Variants in ARHGEF10L observed in about 807,000 individuals in gnomAD.
ARHGEF10L encodes the protein Rho guanine nucleotide exchange factor 10 like.
ARHGEF10L carries 69 observed loss-of-function variants against 141.2 expected under a neutral mutation model. The ratio of observed to expected loss-of-function variants is 0.49; its 90% confidence interval spans 0.40 to 0.60. ARHGEF10L has a LOEUF of 0.60. Ranked by LOEUF, ARHGEF10L falls within the 20% of genes least tolerant of loss-of-function variation. The probability of loss-of-function intolerance (pLI) is 0.00; values close to 1 mark genes in which losing one functional copy is unlikely to be tolerated. For missense variants in ARHGEF10L, 1,482 were observed against 1,734.3 expected (o/e 0.85, Z 2.58); for synonymous variants, 711 against 718.5 (o/e 0.99, Z 0.17).
At chr1:17,691,028 G>T in intron 27 of ARHGEF10L, 4 of 371,828 alleles carry the variant, frequency 1.1e-5, no homozygotes, top group Admixed American at 3.9e-5. Context: ...ACAATTTATT[G>T]CACTTCCTTC....
Position 17,625,860 on chromosome 1 carries a change from G to T in ARHGEF10L, c.1318-96G>T. The T allele has an allele frequency of 9.3e-7, 1 of 1,076,604 alleles. No homozygotes were observed. The allele number at this position is 1,076,604 out of a possible 1,614,324, so 66.7% of individuals were successfully genotyped here. A position where few individuals can be genotyped will look rare whatever the true frequency, so the allele number is the denominator to read the frequency against. On this transcript the variant is annotated intron_variant, in intron 13 of 28. Transcript: ENST00000361221. This position sits in a 1 kb window ranked among gnomAD's most constrained non-coding sequence, Gnocchi z 4.5. The stretch of plus-strand genomic sequence containing the variant: ...GGGATAGGCAGGGTCTTAGGGCCTG[G>T]GGAGAGGAGCCCAGAATGGGGACAG...
intron 4 of ARHGEF10L, among the ~76,000 whole-genome samples, chr1:17,596,144 C>T (rs545511958): frequency 6.2e-4 from 95 of 152,292 alleles, no homozygotes; most frequent in African/African-American, 1.7e-3. Context: ...GTCTCTGGGG[C>T]GGGGGCCCTG....
rs533315025 is a variant in ARHGEF10L, at chr1:17,622,335, A to G, written c.1020+394A>G. Among the ~76,000 whole-genome samples the G allele has an allele frequency of 7.2e-5, 11 of 152,162 alleles. No homozygotes were observed. In the East Asian group the frequency reaches 2.1e-3, roughly 30 times the overall value. On this transcript the variant is annotated intron_variant, in intron 11 of 28. Transcript: ENST00000361221. ...ATGGAGTCCTCCTTCTTGCATCGAGAGGAGTAGGATCGAGTCCTCTTTTTT... is the reference window on the plus strand; with the variant it reads ...ATGGAGTCCTCCTTCTTGCATCGAGGGGAGTAGGATCGAGTCCTCTTTTTT...
At chr1:17,570,085 C>T (rs1426445688) in intron 1 of ARHGEF10L, among the ~76,000 whole-genome samples, 1 of 152,190 alleles carries the variant, frequency 6.6e-6, no homozygotes, top group Non-Finnish European at 1.5e-5. Flanking sequence ...GCCGCCTCCT[C>T]CCCAGGGGCC....
At chr1:17,612,204 G>A (rs1317129497) in intron 7 of ARHGEF10L, among the ~76,000 whole-genome samples, 2 of 152,176 alleles carry the variant, frequency 1.3e-5, no homozygotes, top group Non-Finnish European at 2.9e-5. Context: ...TGTCACTTTG[G>A]TAGCTTGGAA....
chr1:17,554,748 C>T (rs944025071), intron 1 of ARHGEF10L, among the ~76,000 whole-genome samples: 5 of 152,084 alleles, frequency 3.3e-5, no homozygotes, highest in Non-Finnish European at 5.9e-5. Flanking sequence ...TGCCAACATG[C>T]TAAGCTAGTT....
At chr1:17,521,973 T>G in the ARHGEF10L span, among the ~76,000 whole-genome samples, 1,140 of 152,270 alleles carry the variant, frequency 7.5e-3, 31 homozygotes, top group East Asian at 0.066. Context: ...TATCCTTACG[T>G]AGCCCCCAGC....
chr1:17,642,146 G>A lies in ARHGEF10L; in HGVS notation c.2272+1844G>A, dbSNP rs114991436. ...CTCAAGGAACTTAGATTTATGAGGG[G>A]CAGGCAGGTGGACATTAAATGGGGA... On this transcript the variant is annotated intron_variant, in intron 21 of 28. Transcript: ENST00000361221. Among the ~76,000 whole-genome samples the A allele has an allele frequency of 5.3e-5, 8 of 152,272 alleles. No individual in the cohort carries two copies. In the South Asian group the frequency reaches 8.3e-4, roughly 16 times the overall value.
chr1:17,618,496 C>A, intron 9 of ARHGEF10L: 1 of 1,455,944 alleles, frequency 6.9e-7, no homozygotes, highest in Non-Finnish European at 9.1e-7. Flanking sequence ...TGTCCCTCCT[C>A]CTCCTCCTCC....
chr1:17,678,465 G>A (rs2063865479), intron 26 of ARHGEF10L, among the ~76,000 whole-genome samples: 1 of 149,780 alleles, frequency 6.7e-6, no homozygotes, highest in African/African-American at 2.5e-5. Flanking sequence ...TGTTGAACAG[G>A]CTAGAGTGCA....
chr1:17,618,670 C>T, intron 9 of ARHGEF10L: 2 of 588,582 alleles, frequency 3.4e-6, no homozygotes, highest in Non-Finnish European at 2.7e-6. Context: ...GGGATCCCCT[C>T]TCCCGGCACC....
chr1:17,658,686 C>G (rs1205298859), intron 25 of ARHGEF10L, among the ~76,000 whole-genome samples: 1 of 152,166 alleles, frequency 6.6e-6, no homozygotes, highest in African/African-American at 2.4e-5. Context: ...GCCGCCTGCT[C>G]TCATGGAGCT....
intron 26 of ARHGEF10L, among the ~76,000 whole-genome samples, chr1:17,684,103 C>A (rs1476187751): frequency 6.6e-6 from 1 of 152,160 alleles, no homozygotes; most frequent in Non-Finnish European, 1.5e-5. Context: ...GTCCTGCTAC[C>A]CCATCCATTC....
At chr1:17,658,361 A>T (rs1324008759) in intron 25 of ARHGEF10L, among the ~76,000 whole-genome samples, 1 of 152,054 alleles carries the variant, frequency 6.6e-6, no homozygotes, top group Non-Finnish European at 1.5e-5. Flanking sequence ...ATTGGCTTCT[A>T]GTCTGGGGTT....
intron 21 of ARHGEF10L, 54 bp from the exon 22 acceptor site, chr1:17,648,500 C>T: frequency 1.3e-6 from 2 of 1,598,524 alleles, no homozygotes; most frequent in South Asian, 2.2e-5. Context: ...CCTCATGGCC[C>T]AGTTGGTCCT....
chr1:17,634,318 G>A (rs1016121055), intron 16 of ARHGEF10L: 25 of 695,634 alleles, frequency 3.6e-5, no homozygotes, highest in Non-Finnish European at 4.6e-5. Flanking sequence ...CAGTGTCCTT[G>A]TCTGGGATCA....
intron 7 of ARHGEF10L, among the ~76,000 whole-genome samples, chr1:17,608,803 G>A (rs571344212): frequency 1.3e-5 from 2 of 152,090 alleles, no homozygotes; most frequent in African/African-American, 4.8e-5. Context: ...TTATTCTTTT[G>A]AGGCAGAGTC....
intron 1 of ARHGEF10L, among the ~76,000 whole-genome samples, chr1:17,576,434 C>G (rs767628060): frequency 6.6e-6 from 1 of 152,138 alleles, no homozygotes; most frequent in Non-Finnish European, 1.5e-5. Flanking sequence ...CACCCCATAG[C>G]CGGGAGCTGG....
At chr1:17,636,966 C>A (rs1011244976) in intron 18 of ARHGEF10L, among the ~76,000 whole-genome samples, 1 of 152,068 alleles carries the variant, frequency 6.6e-6, no homozygotes, top group African/African-American at 2.4e-5. Flanking sequence ...CCACCCCCTA[C>A]CCCCATCTCA....
Sources: allele counts gnomAD v4.1 joint callset (sites outside exome capture counted in the v4.1 genomes callset), GRCh38; gene constraint gnomAD v4.1.1; non-coding constraint Gnocchi (gnomAD v3.1); transcripts MANE v1.5; gene names NCBI Gene and HGNC (gene_info 2026-07-23, HGNC 2026-07-21).